Variants in CLYBL observed in about 807,000 individuals in gnomAD.
The protein encoded by CLYBL is citramalyl-CoA lyase.
CLYBL carries 31 observed loss-of-function variants against 38.9 expected under a neutral mutation model. The observed-to-expected ratio is 0.80, with a 90% CI of 0.60 to 1.08. The LOEUF is 1.08. Among genes scored for constraint, CLYBL ranks in the 50% least tolerant of loss-of-function variants. The pLI, the probability that CLYBL is intolerant of heterozygous loss-of-function variation, is 0.00. For synonymous variants in CLYBL, 171 were observed against 158.6 expected (o/e 1.08, Z -0.59); for missense variants, 434 against 411.6 (o/e 1.05, Z -0.47).
chr13:99,753,397 G>A (rs7994564), intron 1 of CLYBL, among the ~76,000 whole-genome samples: 25,662 of 152,028 alleles, frequency 0.17, 3,016 homozygotes, highest in East Asian at 0.37. Flanking sequence ...GGAACCAGTC[G>A]GGAGTAAGGT....
At chr13:99,822,536 G>A (rs9585234) in intron 2 of CLYBL, among the ~76,000 whole-genome samples, 55,668 of 152,102 alleles carry the variant, frequency 0.37, 11,078 homozygotes, top group African/African-American at 0.51. Context: ...ACAATCACGG[G>A]TCACCCCAGC....
intron 1 of CLYBL, among the ~76,000 whole-genome samples, chr13:99,638,000 G>T (rs1261817152): frequency 9.5e-6 from 1 of 105,790 alleles, no homozygotes; most frequent in East Asian, 3.6e-4. Flanking sequence ...GTCTTGCTCT[G>T]TCGCCTAGGC....
At chr13:99,757,199 C>A (rs776854818) in intron 1 of CLYBL, among the ~76,000 whole-genome samples, 12 of 152,130 alleles carry the variant, frequency 7.9e-5, no homozygotes, top group Non-Finnish European at 1.6e-4. Context: ...CATACCCGGC[C>A]AAGTGTTATA....
At chr13:99,864,093 C>T (rs2051679572) in intron 4 of CLYBL, among the ~76,000 whole-genome samples, 1 of 152,170 alleles carries the variant, frequency 6.6e-6, no homozygotes, top group East Asian at 1.9e-4. Context: ...CCAGATTCAT[C>T]CAGTGATTTA....
chr13:99,746,536 C>T (rs1416232261), intron 1 of CLYBL, among the ~76,000 whole-genome samples: 1 of 152,004 alleles, frequency 6.6e-6, no homozygotes, highest in Non-Finnish European at 1.5e-5. Context: ...AATCAGATCT[C>T]CTTAGGAAGA....
At position 99,865,045 on chromosome 13, in the gene CLYBL, T is replaced by A. The variant is rs2051708256; in HGVS notation, c.634+134T>A. The stretch of plus-strand genomic sequence containing the variant: ...TGCCAACCATGACAATGGTTTTTCA[T>A]GACAATGGAATGGACACTACTTCCT... On this transcript the variant is annotated intron_variant, in intron 5 of 8. Transcript: ENST00000339105. This position sits in a 1 kb window ranked among gnomAD's most constrained non-coding sequence, Gnocchi z 4.7. 1 of 726,790 alleles carries A rather than the reference T, an allele frequency of 1.4e-6. No homozygotes were observed. The allele number at this position is 726,790 out of a possible 1,614,324, so 45.0% of individuals were successfully genotyped here.
intron 2 of CLYBL, among the ~76,000 whole-genome samples, chr13:99,819,906 A>G (rs2050553646): frequency 6.6e-6 from 1 of 152,178 alleles, no homozygotes; most frequent in Non-Finnish European, 1.5e-5. Flanking sequence ...AGGTATACCT[A>G]GGAATGTTTT....
At chr13:99,835,057 C>T (rs957494307) in intron 2 of CLYBL, among the ~76,000 whole-genome samples, 2 of 152,094 alleles carry the variant, frequency 1.3e-5, no homozygotes, top group Admixed American at 6.5e-5. Flanking sequence ...AAAAGATTGC[C>T]AAGTAGTGCC....
chr13:99,644,655 C>T (rs1330683812), intron 1 of CLYBL, among the ~76,000 whole-genome samples: 3 of 152,144 alleles, frequency 2.0e-5, no homozygotes, highest in African/African-American at 7.2e-5. Flanking sequence ...CCCCAGTTTC[C>T]TTCCTCTACC....
At chr13:99,675,332 A>G (rs2047628457) in intron 1 of CLYBL, among the ~76,000 whole-genome samples, 1 of 152,140 alleles carries the variant, frequency 6.6e-6, no homozygotes, top group Non-Finnish European at 1.5e-5. Flanking sequence ...TATATACTTT[A>G]TGTGTCTATA....
intron 1 of CLYBL, among the ~76,000 whole-genome samples, chr13:99,649,662 T>C (rs1047781151): frequency 5.3e-5 from 8 of 150,846 alleles, no homozygotes; most frequent in African/African-American, 9.8e-5. Context: ...GCCGGGAGCA[T>C]GAGACCAACC....
chr13:99,709,484 C>T (rs745374078), intron 1 of CLYBL, among the ~76,000 whole-genome samples: 5 of 152,164 alleles, frequency 3.3e-5, no homozygotes, highest in Non-Finnish European at 7.3e-5. Flanking sequence ...TACATTTTCT[C>T]CTTCTCAGCT....
At position 99,619,739 on chromosome 13, in the gene CLYBL, T is replaced by C. The variant is rs913981367; in HGVS notation, c.62+12982T>C. ...TTATCTAGATTGTGCCTTATTTTTC[T>C]CACCCATCAAAAGGAGGATGGACAA... On this transcript the variant is annotated intron_variant, in intron 1 of 8. Transcript: ENST00000339105. 4.6e-5 allele frequency among the ~76,000 whole-genome samples: 7 copies of C among 152,348 alleles called. No homozygotes were observed. In the Middle Eastern group the frequency reaches 0.017, roughly 370 times the overall value.
At chr13:99,795,814 C>CAGGGGTAGA (rs956084774) in intron 2 of CLYBL, among the ~76,000 whole-genome samples, 1 of 152,122 alleles carries the variant, frequency 6.6e-6, no homozygotes, top group Admixed American at 6.6e-5. Flanking sequence ...TTGGAGCCTC[C>CAGGGGTAGA]AGGGGTAGAA....
At chr13:99,658,381 C>T (rs913987444) in intron 1 of CLYBL, among the ~76,000 whole-genome samples, 5 of 152,266 alleles carry the variant, frequency 3.3e-5, no homozygotes, top group African/African-American at 1.2e-4. Context: ...GTCTTCCAGG[C>T]TCCCAGAAAG....
intron 2 of CLYBL, among the ~76,000 whole-genome samples, chr13:99,775,982 T>C (rs912140288): frequency 6.6e-6 from 1 of 151,394 alleles, no homozygotes; most frequent in Admixed American, 6.6e-5. Context: ...GCTAACATGG[T>C]GAAACCCCAT....
chr13:99,610,547 C>CT (rs2046610570), intron 1 of CLYBL, among the ~76,000 whole-genome samples: 2 of 152,280 alleles, frequency 1.3e-5, no homozygotes, highest in South Asian at 4.1e-4. Context: ...GCTTAGTAGT[C>CT]TAACAATTAG....
intron 1 of CLYBL, among the ~76,000 whole-genome samples, chr13:99,768,664 A>G (rs556678421): frequency 6.6e-6 from 1 of 151,948 alleles, no homozygotes; most frequent in East Asian, 1.9e-4. Context: ...GGCATGTGCC[A>G]CCACACCTGG....
intron 2 of CLYBL, among the ~76,000 whole-genome samples, chr13:99,819,786 C>T (rs2050550432): frequency 6.6e-6 from 1 of 151,878 alleles, no homozygotes; most frequent in Non-Finnish European, 1.5e-5. Context: ...CCTTTTTATT[C>T]TATTTAAGCC....
Sources: allele counts gnomAD v4.1 joint callset (sites outside exome capture counted in the v4.1 genomes callset), GRCh38; gene constraint gnomAD v4.1.1; non-coding constraint Gnocchi (gnomAD v3.1); transcripts MANE v1.5; gene names NCBI Gene and HGNC (gene_info 2026-07-23, HGNC 2026-07-21).